The following ADAM22 variants were observed in gnomAD, a reference collection of about 807,000 sequenced individuals.
ADAM22 encodes disintegrin and metalloproteinase domain-containing protein 22.
Under a neutral mutation model 144.6 loss-of-function variants are expected in ADAM22, and 65 were observed. The observed-to-expected ratio is 0.45, with a 90% CI of 0.37 to 0.55. ADAM22 has a LOEUF of 0.55. Among genes scored for constraint, ADAM22 ranks in the 20% least tolerant of loss-of-function variants. The pLI, the probability that ADAM22 is intolerant of heterozygous loss-of-function variation, is 0.00. For missense variants in ADAM22, 974 were observed against 1,184.9 expected, an observed-to-expected ratio of 0.82 and a Z score of 2.61; for synonymous variants, 391 against 412.6, an observed-to-expected ratio of 0.95 and a Z score of 0.63.
chr7:87,956,522 G>A (rs1390619527), intron 2 of ADAM22, among the ~76,000 whole-genome samples: 2 of 152,114 alleles, frequency 1.3e-5, no homozygotes, highest in Admixed American at 1.3e-4. Context: ...GGTGTATTTA[G>A]AGAACTGTGC....
rs1191418246 is a variant in ADAM22 at position 88,193,853 on chromosome 7, T to A, written c.2874+614T>A. 2.0e-5 allele frequency among the ~76,000 whole-genome samples: 3 copies of A among 152,234 alleles called. No homozygotes were observed. The East Asian group carries it at 5.8e-4, about 29-fold the overall frequency. ...TCTCTTTGATCCCAAACCTAAATTA[T>A]GTGATTCAAGGTAAACGTGGATCAT... On this transcript the variant is annotated intron_variant, in intron 31 of 31. Coordinates refer to ENST00000413139, the MANE Select transcript of ADAM22 (RefSeq NM_001324418.2).
chr7:88,062,293 C>T (rs913621396), intron 3 of ADAM22, among the ~76,000 whole-genome samples: 2 of 152,206 alleles, frequency 1.3e-5, no homozygotes, highest in African/African-American at 2.4e-5. Flanking sequence ...TCTAGATCTT[C>T]TAGATAAATT....
At chr7:88,161,764 A>G (rs1380825287) in intron 22 of ADAM22, among the ~76,000 whole-genome samples, 1 of 152,128 alleles carries the variant, frequency 6.6e-6, no homozygotes, top group Non-Finnish European at 1.5e-5. Flanking sequence ...ATAAGATACC[A>G]TCTCACACCA....
chr7:87,943,028 A>C (rs76344542), intron 2 of ADAM22, among the ~76,000 whole-genome samples: 2,488 of 152,090 alleles, frequency 0.016, 64 homozygotes, highest in African/African-American at 0.057. Context: ...CATGTAGTTG[A>C]ATGTGTTTAC....
chr7:88,188,207 C>T (rs181142617), intron 30 of ADAM22, among the ~76,000 whole-genome samples: 3 of 152,122 alleles, frequency 2.0e-5, no homozygotes, highest in African/African-American at 2.4e-5. Flanking sequence ...GCTTTTATTC[C>T]CAAATGGATT....
At chr7:88,092,714 A>G (rs1024627846) in intron 4 of ADAM22, among the ~76,000 whole-genome samples, 1 of 152,254 alleles carries the variant, frequency 6.6e-6, no homozygotes, top group Admixed American at 6.5e-5. Context: ...CTCTAGGTCC[A>G]TCATCATGTA....
intron 23 of ADAM22, among the ~76,000 whole-genome samples, chr7:88,163,995 G>C (rs1842378745): frequency 6.6e-6 from 1 of 152,000 alleles, no homozygotes; most frequent in African/African-American, 2.4e-5. Flanking sequence ...TTCATTCCTG[G>C]TCTTTCCATG....
At chr7:87,973,327 A>T (rs1288648626) in intron 2 of ADAM22, among the ~76,000 whole-genome samples, 2 of 152,274 alleles carry the variant, frequency 1.3e-5, no homozygotes, top group Non-Finnish European at 1.5e-5. Context: ...GCCAAAAAAC[A>T]CATGGAGAAG....
In ADAM22 at chr7:87,935,175, G is replaced by C. The variant is rs1178954785; in HGVS notation, c.235G>C (p.Gly79Arg). The C allele has an allele frequency of 6.2e-7, 1 of 1,606,716 alleles. No homozygotes were observed. The highest frequency in any genetic ancestry group is 8.5e-7 in the Non-Finnish European group (1 of 1,176,278). Residue 79 changes from glycine to arginine, a missense_variant, in exon 2 of 32, where the codon GGT (glycine) becomes CGT (arginine). By Grantham distance (125) the Gly-to-Arg change is moderately radical. Coordinates refer to ENST00000413139, the MANE Select transcript of ADAM22 (RefSeq NM_001324418.2). ...CGACACGCGGGTGCGGGGCGACCTC[G>C]GTGGCCCGCAGGTGAGAGGCTCGGT... ...ALDTRVRGDLGGPQLTHVDQA... is the reference protein window; with the variant it reads ...ALDTRVRGDLRGPQLTHVDQA...
intron 3 of ADAM22, among the ~76,000 whole-genome samples, chr7:88,010,166 C>G (rs1795033064): frequency 6.6e-6 from 1 of 152,096 alleles, no homozygotes; most frequent in South Asian, 2.1e-4. Context: ...TCACTTGGAA[C>G]AGATCACCTA....
intron 2 of ADAM22, among the ~76,000 whole-genome samples, chr7:87,942,554 A>T (rs1243034292): frequency 6.6e-6 from 1 of 152,252 alleles, no homozygotes. Context: ...GGAACTATAT[A>T]TGACTTTTAG....
At chr7:87,953,026 T>A (rs1362169671) in intron 2 of ADAM22, among the ~76,000 whole-genome samples, 1 of 152,170 alleles carries the variant, frequency 6.6e-6, no homozygotes, top group Non-Finnish European at 1.5e-5. Context: ...ATTTGATTCA[T>A]CTCTTTTTCT....
chr7:87,988,994 T>G (rs1472777567), intron 3 of ADAM22, among the ~76,000 whole-genome samples: 2 of 152,238 alleles, frequency 1.3e-5, no homozygotes, highest in African/African-American at 4.8e-5. Context: ...TCTGTTAATG[T>G]CCCCAGGCAA....
chr7:87,966,741 T>TTTTTG (rs1849212700), intron 2 of ADAM22, among the ~76,000 whole-genome samples: 2 of 138,834 alleles, frequency 1.4e-5, no homozygotes, highest in Non-Finnish European at 3.1e-5. Context: ...TTTTTTTTTT[T>TTTTTG]TTTTTTTTTT....
chr7:87,987,685 AATAGTT>A lies in ADAM22; in HGVS notation c.323+9277_323+9282del, dbSNP rs1361744152. 2.0e-5 allele frequency among the ~76,000 whole-genome samples: 3 copies of A among 152,202 alleles called. 1 individual carries two copies. The highest frequency in any genetic ancestry group is 2.0e-4 in the Admixed American group (3 of 15,276). On this transcript the variant is annotated intron_variant, in intron 3 of 31. Coordinates refer to ENST00000413139, the MANE Select transcript of ADAM22 (RefSeq NM_001324418.2). The stretch of plus-strand genomic sequence containing the variant: ...TTGAATAATTGGAAACTTGTTCTCT[AATAGTT>A]ATATTTGTTTTACAGTAAGGACTAT...
Position 88,057,320 on chromosome 7 carries a change from G to A in ADAM22, c.324-18306G>A, listed in dbSNP as rs566541982. On this transcript the variant is annotated intron_variant, in intron 3 of 31. Coordinates refer to ENST00000413139, the MANE Select transcript of ADAM22 (RefSeq NM_001324418.2). ...AATAGGGTATATTTGAGTTTTAGAA[G>A]TAGCCAACAGCTCTTCAGGATCATC... Among the ~76,000 whole-genome samples, 5 of 152,240 alleles carry A rather than the reference G, an allele frequency of 3.3e-5. 1 individual carries two copies. In the South Asian group the frequency reaches 1.0e-3, roughly 32 times the overall value.
chr7:88,038,479 G>A (rs1015547401), intron 3 of ADAM22, among the ~76,000 whole-genome samples: 10 of 149,624 alleles, frequency 6.7e-5, no homozygotes, highest in African/African-American at 2.5e-4. Flanking sequence ...TTTTGAGACG[G>A]AGTTTCGCTC....
intron 5 of ADAM22, among the ~76,000 whole-genome samples, chr7:88,109,022 T>C (rs1825298502): frequency 6.6e-6 from 1 of 152,146 alleles, no homozygotes; most frequent in Non-Finnish European, 1.5e-5. Flanking sequence ...TTGATATTCT[T>C]CCCTACTCCT....
At position 88,202,486 on chromosome 7, in the gene ADAM22, G is replaced by A. The variant is rs1851271151; in HGVS notation, c.*5995G>A. ...ATAGTGGAAGCCACCCCATGAGGAG[G>A]TGTTAATAGCAGCATGGTTTCACTT... On this transcript the variant is annotated 3_prime_UTR_variant, in exon 32 of 32. Transcript: ENST00000413139. The A allele has an allele frequency of 6.6e-6, 1 of 152,180 alleles. No homozygotes were observed. The highest frequency in any genetic ancestry group is 2.4e-5 in the African/African-American group (1 of 41,434). 9.4% of individuals were successfully genotyped at this position (152,180 alleles called of 1,614,324 possible).
Sources: gnomAD v4.1 joint callset for allele counts (sites outside exome capture counted in the v4.1 genomes callset) on GRCh38, gnomAD v4.1.1 for gene constraint, MANE v1.5 for transcripts, NCBI Gene and HGNC (gene_info 2026-07-23, HGNC 2026-07-21) for gene names.